Variants in ANXA8 observed in about 807,000 individuals in gnomAD.
ANXA8 encodes the protein VAC-beta.
A neutral mutation model predicts 26.8 loss-of-function variants in ANXA8; 9 were observed. The ratio of observed to expected loss-of-function variants is 0.34; its 90% CI spans 0.20 to 0.59. The LOEUF (loss-of-function observed/expected upper bound fraction) is 0.59, where lower values mean the gene tolerates loss of function less well. Among genes scored for constraint, ANXA8 ranks in the 20% least tolerant of loss-of-function variants. The pLI is 0.84. For missense variants in ANXA8, 83 were observed against 238.5 expected (o/e 0.35, Z 4.29); for synonymous variants, 39 against 94.8 (o/e 0.41, Z 3.42).
the ANXA8 span, among the ~76,000 whole-genome samples, chr10:47,695,263 T>C: frequency 7.9e-5 from 12 of 151,666 alleles, no homozygotes; most frequent in African/African-American, 2.9e-4. Context: ...GATTAATGAC[T>C]CATTAGCATT....
the ANXA8 span, among the ~76,000 whole-genome samples, chr10:47,591,593 G>A: frequency 1.5e-4 from 21 of 142,308 alleles, 2 homozygotes; most frequent in Middle Eastern, 3.4e-3. Flanking sequence ...ACAGGCACCC[G>A]CCACCAGGCC....
chr10:47,968,195 T>C, the ANXA8 span, among the ~76,000 whole-genome samples: 6 of 149,640 alleles, frequency 4.0e-5, no homozygotes, highest in Non-Finnish European at 9.0e-5. Context: ...GTAGATTCCC[T>C]GTCATTTCTC....
chr10:47,894,667 C>CA, the ANXA8 span, among the ~76,000 whole-genome samples: 1 of 151,978 alleles, frequency 6.6e-6, no homozygotes, highest in East Asian at 1.9e-4. Context: ...ATACACCCCC[C>CA]ACACACCACA....
the ANXA8 span, among the ~76,000 whole-genome samples, chr10:47,951,678 G>T: frequency 6.7e-6 from 1 of 150,064 alleles, no homozygotes; most frequent in South Asian, 2.1e-4. Context: ...GGGTGTGGTG[G>T]TGTACGCATG....
chr10:47,652,949 A>G, the ANXA8 span, among the ~76,000 whole-genome samples: 1 of 151,360 alleles, frequency 6.6e-6, no homozygotes, highest in Non-Finnish European at 1.5e-5. Context: ...TATATTTATA[A>G]AGATCACTTT....
the ANXA8 span, among the ~76,000 whole-genome samples, chr10:47,706,042 G>A: frequency 1.3e-5 from 2 of 152,168 alleles, no homozygotes; most frequent in Non-Finnish European, 2.9e-5. Flanking sequence ...GGTTCCGGGC[G>A]GTTGGGAGCG....
At chr10:47,657,722 A>C in the ANXA8 span, among the ~76,000 whole-genome samples, 1 of 150,028 alleles carries the variant, frequency 6.7e-6, no homozygotes, top group Non-Finnish European at 1.5e-5. Context: ...ACAGTTTTAA[A>C]TGTAAACTGT....
At chr10:47,556,787 T>C in the ANXA8 span, among the ~76,000 whole-genome samples, 3 of 139,916 alleles carry the variant, frequency 2.1e-5, no homozygotes, top group South Asian at 6.8e-4. Flanking sequence ...AAAAGTATTT[T>C]TCCTTTTTTT....
At chr10:47,701,206 A>G in the ANXA8 span, among the ~76,000 whole-genome samples, 4 of 151,576 alleles carry the variant, frequency 2.6e-5, no homozygotes, top group African/African-American at 9.7e-5. Flanking sequence ...AAATTAAAAA[A>G]AAAAAAAGCA....
chr10:47,525,388 A>G, the ANXA8 span, among the ~76,000 whole-genome samples: 1 of 143,526 alleles, frequency 7.0e-6, no homozygotes, highest in Non-Finnish European at 1.5e-5. Context: ...CCTGGACAAC[A>G]GAGCAGGACT....
the ANXA8 span, among the ~76,000 whole-genome samples, chr10:47,492,061 G>T: frequency 6.7e-6 from 1 of 150,190 alleles, no homozygotes; most frequent in East Asian, 2.0e-4. Flanking sequence ...CAAGGCCTAG[G>T]ATTCCAAGCC....
chr10:47,693,895 G>C, the ANXA8 span, among the ~76,000 whole-genome samples: 1 of 151,886 alleles, frequency 6.6e-6, no homozygotes, highest in East Asian at 1.9e-4. Context: ...AATTGATTTA[G>C]TATGAGCTTA....
At chr10:47,766,083 C>A in the ANXA8 span, among the ~76,000 whole-genome samples, 2 of 147,862 alleles carry the variant, frequency 1.4e-5, no homozygotes, top group African/African-American at 2.6e-5. Context: ...CCTCACTCTT[C>A]CTGGCAGCCG....
chr10:47,928,961 G>T, the ANXA8 span, among the ~76,000 whole-genome samples: 3,393 of 122,822 alleles, frequency 0.028, 116 homozygotes, highest in African/African-American at 0.1. Context: ...TTTTGATAGA[G>T]ACTGGGTCTC....
the ANXA8 span, among the ~76,000 whole-genome samples, chr10:47,650,666 G>T: frequency 6.9e-6 from 1 of 144,840 alleles, no homozygotes; most frequent in African/African-American, 2.6e-5. Flanking sequence ...AATTAGCTGG[G>T]TGTAGTGGCG....
the ANXA8 span, among the ~76,000 whole-genome samples, chr10:47,733,221 C>CTTTCT: frequency 1.7e-5 from 1 of 58,256 alleles, no homozygotes; most frequent in East Asian, 5.5e-4. Context: ...TTCTTTCTTT[C>CTTTCT]TCTTTCTTTC....
chr10:47,920,702 TG>T, the ANXA8 span: 1 of 132,824 alleles, frequency 7.5e-6, no homozygotes, highest in Non-Finnish European at 1.6e-5. Context: ...AAGGGCCATG[TG>T]CATCAGAATC....
the ANXA8 span, among the ~76,000 whole-genome samples, chr10:47,673,204 G>T: frequency 1.3e-5 from 2 of 151,806 alleles, no homozygotes; most frequent in African/African-American, 4.9e-5. Flanking sequence ...GAATGTTCAG[G>T]AGTAGTAAGC....
the ANXA8 span, among the ~76,000 whole-genome samples, chr10:47,540,897 A>G: frequency 6.8e-6 from 1 of 147,920 alleles, no homozygotes. Context: ...GATAGAGAAG[A>G]TTATCAGGGG....
Sources: gnomAD v4.1 joint callset for allele counts (sites outside exome capture counted in the v4.1 genomes callset) on GRCh38, gnomAD v4.1.1 for gene constraint, MANE v1.5 for transcripts, NCBI Gene and HGNC (gene_info 2026-07-23, HGNC 2026-07-21) for gene names.